KDM4C: variants seen among roughly 807,000 people sequenced by gnomAD.
KDM4C encodes lysine-specific demethylase 4C.
Under a neutral mutation model 129.3 loss-of-function variants are expected in KDM4C, and 81 were observed. The observed-to-expected ratio is 0.63, with a 90% confidence interval of 0.52 to 0.75. The LOEUF is 0.75. Ranked by LOEUF, KDM4C falls within the 30% of genes least tolerant of loss-of-function variation. The probability of loss-of-function intolerance (pLI) is 0.00; values close to 1 mark genes in which losing one functional copy is unlikely to be tolerated. For synonymous variants in KDM4C, 573 were observed against 456.1 expected, an observed-to-expected ratio of 1.26 and a Z score of -3.26; for missense variants, 1,457 against 1,304.0, an observed-to-expected ratio of 1.12 and a Z score of -1.81.
At chr9:6,948,696 A>T (rs986459852) in intron 8 of KDM4C, among the ~76,000 whole-genome samples, 1 of 151,872 alleles carries the variant, frequency 6.6e-6, no homozygotes, top group African/African-American at 2.4e-5. Context: ...CTTAACGAGC[A>T]TGCTGCCTTC....
At chr9:6,869,366 G>A (rs529068221) in intron 5 of KDM4C, among the ~76,000 whole-genome samples, 5 of 152,298 alleles carry the variant, frequency 3.3e-5, no homozygotes, top group African/African-American at 4.8e-5. Flanking sequence ...TCTCCAGGCC[G>A]TACTCTTAGA....
chr9:6,914,229 T>C (rs1334564165), intron 8 of KDM4C, among the ~76,000 whole-genome samples: 2 of 152,090 alleles, frequency 1.3e-5, no homozygotes, highest in African/African-American at 2.4e-5. Flanking sequence ...TCAGTTAATA[T>C]TGTATTTTTT....
At chr9:6,912,946 C>G (rs557817125) in intron 8 of KDM4C, among the ~76,000 whole-genome samples, 88 of 151,920 alleles carry the variant, frequency 5.8e-4, no homozygotes, top group African/African-American at 2.1e-3. Context: ...TCGTATGGTA[C>G]CTTTTCTATA....
intron 8 of KDM4C, among the ~76,000 whole-genome samples, chr9:6,976,771 T>C (rs1234462054): frequency 2.0e-5 from 3 of 152,154 alleles, no homozygotes; most frequent in Non-Finnish European, 4.4e-5. Flanking sequence ...GCTTTTTAAA[T>C]TATCCATTCC....
chr9:6,883,272 G>C (rs980022957), intron 6 of KDM4C, among the ~76,000 whole-genome samples: 1 of 152,070 alleles, frequency 6.6e-6, no homozygotes, highest in Non-Finnish European at 1.5e-5. Context: ...GTTTTGAAAG[G>C]CTTATAAATA....
intron 12 of KDM4C, among the ~76,000 whole-genome samples, chr9:7,009,272 C>A (rs10975970): frequency 0.039 from 5,986 of 152,226 alleles, 365 homozygotes; most frequent in African/African-American, 0.13. Flanking sequence ...GAGGGCTTCA[C>A]ATTTCTGCCA....
intron 4 of KDM4C, among the ~76,000 whole-genome samples, chr9:6,847,592 G>A (rs979656473): frequency 2.0e-5 from 3 of 152,016 alleles, no homozygotes; most frequent in Admixed American, 6.6e-5. Context: ...GGGTTTCACC[G>A]TGTTAGCCAG....
intron 4 of KDM4C, among the ~76,000 whole-genome samples, chr9:6,832,765 T>C (rs1247171715): frequency 6.9e-6 from 1 of 145,466 alleles, no homozygotes; most frequent in South Asian, 2.2e-4. Flanking sequence ...TTTGCTCTTG[T>C]TGCCCAAGCT....
chr9:6,795,131 G>A (rs1031127707), intron 2 of KDM4C, among the ~76,000 whole-genome samples: 3 of 152,116 alleles, frequency 2.0e-5, no homozygotes, highest in Admixed American at 1.3e-4. Context: ...TATGTAAAGG[G>A]TTCTCCTTGA....
intron 4 of KDM4C, among the ~76,000 whole-genome samples, chr9:6,825,897 A>G (rs1054628183): frequency 6.6e-6 from 1 of 151,926 alleles, no homozygotes; most frequent in African/African-American, 2.4e-5. Context: ...AGCAGCCTCC[A>G]CCTCCCAGGC....
chr9:6,931,022 G>A (rs79412673), intron 8 of KDM4C, among the ~76,000 whole-genome samples: 1 of 151,982 alleles, frequency 6.6e-6, no homozygotes, highest in Non-Finnish European at 1.5e-5. Flanking sequence ...GCCTGTGACT[G>A]ATGTCTTCTT....
rs137909996 is a variant in KDM4C, at chr9:6,733,789, G to A, written c.49+12792G>A. Among the ~76,000 whole-genome samples the A allele has an allele frequency of 2.6e-5, 4 of 152,266 alleles. No individual in the cohort carries two copies. The East Asian group carries it at 5.8e-4, about 22-fold the overall frequency. Reference sequence around the variant, plus strand: ...CTGCTGGTTGTCTATTTTTATGGTTGTTTTTTGATGGTATGCTAAACAAGG... The same window carrying A: ...CTGCTGGTTGTCTATTTTTATGGTTATTTTTTGATGGTATGCTAAACAAGG... On this transcript the variant is annotated intron_variant, in intron 1 of 17. Transcript: ENST00000536108.
intron 4 of KDM4C, chr9:6,815,221 T>C (rs1206630836): frequency 6.6e-6 from 1 of 152,084 alleles, no homozygotes; most frequent in African/African-American, 2.4e-5. Flanking sequence ...GTACATGTTA[T>C]TACAGTCTAG....
intron 5 of KDM4C, among the ~76,000 whole-genome samples, chr9:6,868,542 C>T (rs1842389663): frequency 1.3e-5 from 2 of 152,184 alleles, no homozygotes; most frequent in Admixed American, 6.5e-5. Context: ...GTTACCCATG[C>T]ACATCCTCCC....
chr9:6,791,103 C>T (rs1031778765), intron 1 of KDM4C, among the ~76,000 whole-genome samples: 3 of 152,094 alleles, frequency 2.0e-5, no homozygotes, highest in African/African-American at 4.8e-5. Flanking sequence ...AAAATGATTG[C>T]TCATTAACCC....
intron 5 of KDM4C, 122 bp from the exon 6 acceptor site, chr9:6,879,890 T>A (rs1844172508): frequency 2.0e-6 from 1 of 510,580 alleles, no homozygotes; most frequent in East Asian, 3.0e-5. Context: ...CTCTACTCAG[T>A]TCATCTAAGT....
At chr9:6,722,756 G>A (rs1215871578) in intron 1 of KDM4C, among the ~76,000 whole-genome samples, 1 of 151,858 alleles carries the variant, frequency 6.6e-6, no homozygotes, top group East Asian at 1.9e-4. Flanking sequence ...CAGGTGATCC[G>A]CCTGCCTCCG....
At chr9:6,848,075 A>T (rs112082878) in intron 4 of KDM4C, among the ~76,000 whole-genome samples, 3,601 of 152,094 alleles carry the variant, frequency 0.024, 144 homozygotes, top group African/African-American at 0.078. Context: ...TATTTTTAAA[A>T]TAGACATGGG....
At chr9:6,734,209 G>A (rs539003230) in intron 1 of KDM4C, among the ~76,000 whole-genome samples, 1 of 150,520 alleles carries the variant, frequency 6.6e-6, no homozygotes, top group South Asian at 2.1e-4. Flanking sequence ...CCCAGAAAGA[G>A]ATTGATCTTT....
Sources: gnomAD v4.1 joint callset for allele counts (sites outside exome capture counted in the v4.1 genomes callset) on GRCh38, gnomAD v4.1.1 for gene constraint, MANE v1.5 for transcripts, NCBI Gene and HGNC (gene_info 2026-07-23, HGNC 2026-07-21) for gene names.